Variants in PKD1L1 observed in about 807,000 individuals in gnomAD.
PKD1L1 encodes the protein polycystin-1-like protein 1.
In PKD1L1, 236 loss-of-function variants were observed where a neutral mutation model predicts 323.4. The observed-to-expected ratio is 0.73, with a 90% CI of 0.66 to 0.81. The LOEUF is 0.81. Ranked by LOEUF, PKD1L1 falls within the 40% of genes least tolerant of loss-of-function variation. PKD1L1 has a pLI of 0.00. For missense variants in PKD1L1, 3,320 were observed against 3,508.0 expected, an observed-to-expected ratio of 0.95 and a Z score of 1.35; for synonymous variants, 1,344 against 1,335.0, an observed-to-expected ratio of 1.01 and a Z score of -0.15.
At chr7:47,829,361 G>T in intron 44 of PKD1L1, 64 bp downstream of exon 44, 1 of 1,436,918 alleles carries the variant, frequency 7.0e-7, no homozygotes, top group Non-Finnish European at 9.4e-7. Flanking sequence ...ATTCAGATAT[G>T]CATGATAGAA....
chr7:47,829,836 C>A (rs1785308277), intron 43 of PKD1L1, among the ~76,000 whole-genome samples: 1 of 152,202 alleles, frequency 6.6e-6, no homozygotes, highest in Admixed American at 6.5e-5. Context: ...TAAAGTGGTA[C>A]CCTCCTCAAA....
intron 26 of PKD1L1, among the ~76,000 whole-genome samples, chr7:47,861,004 C>T (rs1171766459): frequency 6.6e-6 from 1 of 152,196 alleles, no homozygotes; most frequent in Non-Finnish European, 1.5e-5. Flanking sequence ...AGGCAGCATA[C>T]CTTCTCCATG....
intron 7 of PKD1L1, among the ~76,000 whole-genome samples, chr7:47,927,051 T>A (rs912770221): frequency 1.3e-5 from 2 of 151,968 alleles, no homozygotes; most frequent in African/African-American, 4.8e-5. Context: ...AATATTTAAA[T>A]GAGAAAACAG....
At chr7:47,786,626 C>T (rs73329455) in intron 56 of PKD1L1, among the ~76,000 whole-genome samples, 2,849 of 152,316 alleles carry the variant, frequency 0.019, 90 homozygotes, top group African/African-American at 0.065. Context: ...TCCTGCCTTA[C>T]GCAATGGTAT....
chr7:47,893,743 T>C (rs1416187231), intron 15 of PKD1L1, 135 bp downstream of exon 15: 2 of 859,154 alleles, frequency 2.3e-6, no homozygotes, highest in Non-Finnish European at 3.5e-6. Flanking sequence ...TGTTCCTAAA[T>C]AAAGCAGTTA....
chr7:47,845,509 T>A (rs1785647258), intron 32 of PKD1L1, among the ~76,000 whole-genome samples: 1 of 152,216 alleles, frequency 6.6e-6, no homozygotes, highest in African/African-American at 2.4e-5. Flanking sequence ...GTAAACACTG[T>A]CTCCTTTTTT....
chr7:47,830,737 C>T (rs777402103), intron 42 of PKD1L1, among the ~76,000 whole-genome samples: 34 of 152,266 alleles, frequency 2.2e-4, no homozygotes, highest in Middle Eastern at 3.4e-3. Context: ...CCTGGGGTCT[C>T]CGATGGCGAG....
At chr7:47,828,341 C>T (rs539306296) in intron 44 of PKD1L1, among the ~76,000 whole-genome samples, 21 of 152,072 alleles carry the variant, frequency 1.4e-4, no homozygotes, top group African/African-American at 5.1e-4. Context: ...ACTGGCAGCA[C>T]AGCAGGGCAC....
At position 47,888,146 on chromosome 7, in the gene PKD1L1, C is replaced by T. The variant is rs56100904; in HGVS notation, c.2680G>A (p.Val894Ile). The T allele has an allele frequency of 0.037, 58,857 of 1,610,846 alleles. 3,452 individuals are homozygous for T. The highest frequency in any genetic ancestry group is 0.27 in the African/African-American group (20,366 of 74,676). The change falls in exon 17 of 57, where the codon GTC (valine) becomes ATC (isoleucine). Residue 894 changes from valine to isoleucine, a missense_variant. Coordinates refer to ENST00000289672, the MANE Select transcript of PKD1L1 (RefSeq NM_138295.5). ...SPYPDSAFRF[V>I]HISWVSFKDT... is the part of the protein sequence containing the mutation. ...TTAAAGCTGACCCAGGAGATGTGGACGAATCTGAAATATATAAATTGGCTT... is the reference window on the plus strand; with the variant it reads ...TTAAAGCTGACCCAGGAGATGTGGATGAATCTGAAATATATAAATTGGCTT...
At chr7:47,845,101 G>C in intron 32 of PKD1L1, 23 bp from the exon 33 acceptor site, 1 of 1,596,690 alleles carries the variant, frequency 6.3e-7, no homozygotes, top group South Asian at 1.1e-5. Flanking sequence ...TGCGGATGAG[G>C]ATACAGAATG....
chr7:47,858,247 A>G (rs754726975), intron 27 of PKD1L1, among the ~76,000 whole-genome samples: 2 of 152,246 alleles, frequency 1.3e-5, no homozygotes, highest in Non-Finnish European at 2.9e-5. Flanking sequence ...CAAAGTTACC[A>G]GAGCAGAAAT....
rs1004786743 is a variant in PKD1L1, at chr7:47,855,652, G to A, written c.4591-387C>T. Among the ~76,000 whole-genome samples the A allele has an allele frequency of 4.1e-5, 4 of 97,534 alleles. 1 individual carries two copies. Among genetic ancestry groups the A allele is most frequent in the Admixed American group, 8.8e-5 (1 of 11,428 alleles). 64.0% of individuals were successfully genotyped at this position (97,534 alleles called of 152,430 possible). A position where few individuals can be genotyped will look rare whatever the true frequency, so the allele number is the denominator to read the frequency against. On this transcript the variant is annotated intron_variant, in intron 28 of 56. Transcript: ENST00000289672. ...AGCACTTTGGGAGGCCGAGGCGGGCGGATCACGAGGTCAGGAGATCGAGAC... is the reference window on the plus strand; with the variant it reads ...AGCACTTTGGGAGGCCGAGGCGGGCAGATCACGAGGTCAGGAGATCGAGAC...
intron 43 of PKD1L1, 64 bp downstream of exon 43, chr7:47,829,976 T>C: frequency 6.8e-7 from 1 of 1,461,242 alleles, no homozygotes; most frequent in African/African-American, 1.4e-5. Context: ...AAGCCTCTAT[T>C]TCCCCTTCCC....
At chr7:47,959,717 C>G in the PKD1L1 span, among the ~76,000 whole-genome samples, 6 of 138,244 alleles carry the variant, frequency 4.3e-5, 1 homozygote, top group Non-Finnish European at 9.7e-5. Flanking sequence ...GCCCCCCGCC[C>G]AGCCAGCCGC....
At chr7:47,797,068 G>C (rs1188753411) in intron 54 of PKD1L1, among the ~76,000 whole-genome samples, 1 of 151,196 alleles carries the variant, frequency 6.6e-6, no homozygotes, top group Non-Finnish European at 1.5e-5. Context: ...TACACACCCT[G>C]CAAAACCTCA....
intron 26 of PKD1L1, among the ~76,000 whole-genome samples, chr7:47,863,252 G>C (rs1419842812): frequency 6.6e-6 from 1 of 152,138 alleles, no homozygotes; most frequent in Non-Finnish European, 1.5e-5. Flanking sequence ...GAAGGGGTTG[G>C]GGGAGGAGCC....
At chr7:47,852,830 CTT>C (rs1378033042) in intron 31 of PKD1L1, among the ~76,000 whole-genome samples, 2 of 152,042 alleles carry the variant, frequency 1.3e-5, no homozygotes, top group African/African-American at 4.8e-5. Context: ...CAGGCAAAGA[CTT>C]AGCCTGAGCA....
intron 4 of PKD1L1, among the ~76,000 whole-genome samples, chr7:47,932,390 T>G (rs939905): frequency 6.6e-6 from 1 of 152,030 alleles, no homozygotes; most frequent in African/African-American, 2.4e-5. Flanking sequence ...GTCTTCCCTG[T>G]GGGGCCTGGA....
At chr7:47,797,769 G>T (rs1784574784) in intron 54 of PKD1L1, among the ~76,000 whole-genome samples, 1 of 152,100 alleles carries the variant, frequency 6.6e-6, no homozygotes, top group African/African-American at 2.4e-5. Flanking sequence ...GCTCATCAAG[G>T]CTCACTCTCC....
Sources: allele counts gnomAD v4.1 joint callset (sites outside exome capture counted in the v4.1 genomes callset), GRCh38; gene constraint gnomAD v4.1.1; transcripts MANE v1.5; gene names NCBI Gene and HGNC (gene_info 2026-07-23, HGNC 2026-07-21).